Variants in SCLY observed in about 807,000 individuals in gnomAD.
SCLY encodes the protein selenocysteine lyase.
A neutral mutation model predicts 50.1 loss-of-function variants in SCLY; 38 were observed. The ratio of observed to expected loss-of-function variants is 0.76; its 90% CI spans 0.59 to 0.99. The LOEUF is 0.99. SCLY is among the 50% of genes least tolerant of loss of function. The pLI, the probability that SCLY is intolerant of heterozygous loss-of-function variation, is 0.00. For synonymous variants in SCLY, 243 were observed against 249.4 expected (o/e 0.97, Z 0.24); for missense variants, 600 against 620.0 (o/e 0.97, Z 0.34).
At chr2:238,065,745 G>C (rs1437406047) in intron 2 of SCLY, among the ~76,000 whole-genome samples, 1 of 151,096 alleles carries the variant, frequency 6.6e-6, no homozygotes, top group East Asian at 1.9e-4. Context: ...TGCAATCTCG[G>C]GTCAATGCAA....
At chr2:238,095,357 C>A (rs896696875) in intron 10 of SCLY, 2 of 152,186 alleles carry the variant, frequency 1.3e-5, no homozygotes, top group African/African-American at 4.8e-5. Context: ...AGTGGAAGTC[C>A]AGGTGATTGA....
intron 4 of SCLY, among the ~76,000 whole-genome samples, chr2:238,075,286 G>A (rs2065162288): frequency 6.6e-6 from 1 of 152,130 alleles, no homozygotes; most frequent in African/African-American, 2.4e-5. Flanking sequence ...TGGTTCACTA[G>A]TATTTTGCTG....
rs865978582 is a variant in SCLY, at chr2:238,098,099, C to T, written c.1185-103C>T. On this transcript the variant is annotated intron_variant, in intron 11 of 11. Coordinates refer to ENST00000254663, the MANE Select transcript of SCLY (RefSeq NM_016510.7). Reference sequence around the variant, plus strand: ...ATGCCAGGCGAGGCAGGCGCACATCCGGGTGGGCAGAGCCCCACTAGGGGA... The same window carrying T: ...ATGCCAGGCGAGGCAGGCGCACATCTGGGTGGGCAGAGCCCCACTAGGGGA... 73 of 1,381,574 alleles carry T rather than the reference C, an allele frequency of 5.3e-5. 2 individuals are homozygous for T. Among genetic ancestry groups the T allele is most frequent in the Middle Eastern group, 3.9e-4 (2 of 5,090 alleles). 85.6% of individuals were successfully genotyped at this position (1,381,574 alleles called of 1,614,324 possible).
chr2:238,087,379 C>G (rs1182156637), intron 7 of SCLY, among the ~76,000 whole-genome samples: 1 of 152,180 alleles, frequency 6.6e-6, no homozygotes. Context: ...ACAAACAGCT[C>G]TACACATAGG....
At chr2:238,064,635 T>G (rs2065051815) in intron 2 of SCLY, 166 bp downstream of exon 2, 1 of 499,358 alleles carries the variant, frequency 2.0e-6, no homozygotes, top group Non-Finnish European at 3.6e-6. Flanking sequence ...AAGGCCCCAT[T>G]TGTAAGCTGA....
chr2:238,061,406 G>T, intron 1 of SCLY: 1 of 640,002 alleles, frequency 1.6e-6, no homozygotes. Context: ...CAGGTTCTGG[G>T]GAAGCAGAGC....
At chr2:238,061,431 G>A in intron 1 of SCLY, 1 of 573,026 alleles carries the variant, frequency 1.7e-6, no homozygotes, top group South Asian at 1.7e-5. Context: ...CAGGAAGAGG[G>A]CACAGCAGAT....
chr2:238,063,605 G>A (rs1219759626), intron 1 of SCLY, among the ~76,000 whole-genome samples: 2 of 152,204 alleles, frequency 1.3e-5, no homozygotes, highest in South Asian at 2.1e-4. Flanking sequence ...AAGTAAGGTG[G>A]GGGCAGGGCA....
At chr2:238,065,660 T>TTTTTTATTATTATTA (rs71402758) in intron 2 of SCLY, among the ~76,000 whole-genome samples, 2,703 of 143,460 alleles carry the variant, frequency 0.019, 44 homozygotes, top group Middle Eastern at 0.033. Flanking sequence ...AATATTTTAT[T>TTTTTTATTATTATTA]TTATTATTAT....
At chr2:238,064,649 T>A in intron 2 of SCLY, 180 bp downstream of exon 2, 1 of 478,562 alleles carries the variant, frequency 2.1e-6, no homozygotes, top group Non-Finnish European at 3.7e-6. Flanking sequence ...AAGCTGAGCC[T>A]TGTCGATACT....
At chr2:238,094,572 G>A (rs1411821350) in intron 10 of SCLY, 50 bp downstream of exon 10, 1 of 1,472,928 alleles carries the variant, frequency 6.8e-7, no homozygotes, top group Non-Finnish European at 9.5e-7. Flanking sequence ...AGCTCCCTCG[G>A]TGCGTGGATT....
chr2:238,068,049 T>C lies in SCLY; in HGVS notation c.203-16T>C, dbSNP rs748875686. 2.5e-6 allele frequency: 4 copies of C among 1,590,334 alleles called. No individual in the cohort carries two copies. The East Asian group carries it at 6.7e-5, about 27-fold the overall frequency. On this transcript the variant is annotated splice_polypyrimidine_tract_variant and intron_variant, in intron 2 of 11. Transcript: ENST00000254663. ...GGTGAAGCAATGTTAATGAATTTCCTTTTTGGTCCCTCAAGGAAGAAAGGC... is the reference window on the plus strand; with the variant it reads ...GGTGAAGCAATGTTAATGAATTTCCCTTTTGGTCCCTCAAGGAAGAAAGGC...
At chr2:238,074,259 T>C (rs933407102) in intron 4 of SCLY, among the ~76,000 whole-genome samples, 2 of 150,868 alleles carry the variant, frequency 1.3e-5, no homozygotes, top group Admixed American at 1.3e-4. Context: ...TGAACTGAGA[T>C]GGTGTCACCA....
chr2:238,086,579 G>A (rs1019755207), intron 7 of SCLY, among the ~76,000 whole-genome samples: 1 of 151,748 alleles, frequency 6.6e-6, no homozygotes, highest in Non-Finnish European at 1.5e-5. Context: ...GGCAGTGCGT[G>A]CCTGTAGTCC....
chr2:238,094,573 T>A, intron 10 of SCLY, 51 bp downstream of exon 10: 1 of 1,462,374 alleles, frequency 6.8e-7, no homozygotes, highest in Non-Finnish European at 9.6e-7. Context: ...GCTCCCTCGG[T>A]GCGTGGATTC....
chr2:238,089,625 C>T (rs2065341448), intron 7 of SCLY, among the ~76,000 whole-genome samples: 1 of 146,866 alleles, frequency 6.8e-6, no homozygotes, highest in African/African-American at 2.5e-5. Flanking sequence ...TTTCTTAAAA[C>T]ATTGATTTTT....
chr2:238,090,562 C>T (rs2065351005), intron 7 of SCLY, among the ~76,000 whole-genome samples: 1 of 152,200 alleles, frequency 6.6e-6, no homozygotes, highest in Non-Finnish European at 1.5e-5. Context: ...ATCACTTGAA[C>T]CCGGCAGGTG....
chr2:238,070,097 TGCA>T (rs2065113561), intron 4 of SCLY, among the ~76,000 whole-genome samples: 1 of 152,204 alleles, frequency 6.6e-6, no homozygotes, highest in African/African-American at 2.4e-5. Flanking sequence ...GGAGGCTCGC[TGCA>T]GCAGCAGTGG....
At chr2:238,097,141 C>T (rs1046205747) in intron 11 of SCLY, among the ~76,000 whole-genome samples, 4 of 77,124 alleles carry the variant, frequency 5.2e-5, no homozygotes, top group South Asian at 5.0e-4. Flanking sequence ...GGAGGGCCAG[C>T]GTGGCCGGGG....
Sources: allele counts gnomAD v4.1 joint callset (sites outside exome capture counted in the v4.1 genomes callset), GRCh38; gene constraint gnomAD v4.1.1; transcripts MANE v1.5; gene names NCBI Gene and HGNC (gene_info 2026-07-23, HGNC 2026-07-21).